The following PLD5 variants were observed in gnomAD, a reference collection of about 807,000 sequenced individuals.
PLD5 encodes inactive phospholipase D5.
Under a neutral mutation model 61.1 loss-of-function variants are expected in PLD5, and 36 were observed. That is an observed-to-expected ratio of 0.59 (90% CI 0.45 to 0.78). The LOEUF is 0.78. Ranked by LOEUF, PLD5 falls within the 30% of genes least tolerant of loss-of-function variation. The pLI, the probability that PLD5 is intolerant of heterozygous loss-of-function variation, is 0.00. For missense variants in PLD5, 515 were observed against 644.4 expected (o/e 0.80, Z 2.17); for synonymous variants, 243 against 242.8 (o/e 1.00, Z -0.01).
intron 3 of PLD5, among the ~76,000 whole-genome samples, chr1:242,273,093 C>T (rs1674205385): frequency 1.3e-5 from 2 of 151,960 alleles, no homozygotes; most frequent in Admixed American, 6.5e-5. Context: ...CATCCCCCAA[C>T]AGGCCCTGGC....
chr1:242,119,422 C>A (rs910679040), intron 6 of PLD5, among the ~76,000 whole-genome samples: 1 of 152,080 alleles, frequency 6.6e-6, no homozygotes, highest in African/African-American at 2.4e-5. Context: ...CATAGTAAGA[C>A]CTTGTCTCTA....
chr1:242,509,913 T>C (rs1331140626), intron 1 of PLD5, among the ~76,000 whole-genome samples: 1 of 152,168 alleles, frequency 6.6e-6, no homozygotes, highest in East Asian at 1.9e-4. Context: ...ACTCCAGAGA[T>C]AAATGTACAT....
At chr1:242,151,997 C>T (rs1306928682) in intron 5 of PLD5, among the ~76,000 whole-genome samples, 1 of 151,804 alleles carries the variant, frequency 6.6e-6, no homozygotes, top group East Asian at 1.9e-4. Context: ...GACATTCACA[C>T]ATTCAATATG....
At chr1:242,486,203 A>G (rs1255353223) in intron 1 of PLD5, among the ~76,000 whole-genome samples, 1 of 152,170 alleles carries the variant, frequency 6.6e-6, no homozygotes, top group Non-Finnish European at 1.5e-5. Context: ...ACAAAAGACA[A>G]AATTGACAAA....
intron 5 of PLD5, among the ~76,000 whole-genome samples, chr1:242,138,787 T>G (rs574459268): frequency 1.3e-5 from 2 of 152,202 alleles, no homozygotes; most frequent in Non-Finnish European, 2.9e-5. Flanking sequence ...TGGTGCTGTA[T>G]GAGCATCTCT....
chr1:242,220,186 T>A, intron 4 of PLD5, 71 bp from the exon 5 acceptor site: 1 of 1,558,564 alleles, frequency 6.4e-7, no homozygotes, highest in Non-Finnish European at 8.8e-7. Flanking sequence ...CACCTACCAG[T>A]GGAAATATTC....
intron 1 of PLD5, among the ~76,000 whole-genome samples, chr1:242,475,890 A>G (rs2102955334): frequency 6.6e-6 from 1 of 152,272 alleles, no homozygotes; most frequent in African/African-American, 2.4e-5. Flanking sequence ...CCAGCCATGG[A>G]GACAAGCCTG....
intron 1 of PLD5, chr1:242,365,788 A>G: frequency 5.0e-6 from 1 of 199,336 alleles, no homozygotes; most frequent in Non-Finnish European, 1.0e-5. Context: ...GGCTTTATAT[A>G]TCAAGCGCAC....
intron 6 of PLD5, among the ~76,000 whole-genome samples, chr1:242,124,018 C>G (rs759004766): frequency 2.0e-5 from 3 of 152,162 alleles, no homozygotes; most frequent in Non-Finnish European, 4.4e-5. Context: ...CTGAGATTCC[C>G]TCAGATTTGT....
chr1:242,200,815 A>C (rs1443284105), intron 5 of PLD5, among the ~76,000 whole-genome samples: 1 of 152,206 alleles, frequency 6.6e-6, no homozygotes, highest in African/African-American at 2.4e-5. Context: ...AGATTAAATG[A>C]ATCAGGCTTC....
chr1:242,228,951 A>G (rs1671124934), intron 4 of PLD5, among the ~76,000 whole-genome samples: 1 of 152,196 alleles, frequency 6.6e-6, no homozygotes. Context: ...TTCCTAAGCT[A>G]TTCTTACGGT....
At chr1:242,131,013 A>G (rs1663191906) in intron 5 of PLD5, among the ~76,000 whole-genome samples, 1 of 151,792 alleles carries the variant, frequency 6.6e-6, no homozygotes, top group South Asian at 2.1e-4. Flanking sequence ...TTTATTGAAA[A>G]CTCAAGTTAT....
rs115654788 is a variant in PLD5 at position 242,118,437 on chromosome 1, C to T, written c.934-4411G>A. Among the ~76,000 whole-genome samples, 652 of 152,340 alleles carry T rather than the reference C, an allele frequency of 4.3e-3. 5 individuals carry two copies. Among genetic ancestry groups the T allele is most frequent in the African/African-American group, 0.015 (604 of 41,582 alleles). On this transcript the variant is annotated intron_variant, in intron 6 of 9. Transcript: ENST00000536534. ...CCTTCTTTGTGGAACTTCATTCTAGCGCATGTTACATGGCATTGCATTCAT... is the reference window on the plus strand; with the variant it reads ...CCTTCTTTGTGGAACTTCATTCTAGTGCATGTTACATGGCATTGCATTCAT...
intron 1 of PLD5, among the ~76,000 whole-genome samples, chr1:242,475,489 C>A (rs973235653): frequency 1.7e-4 from 26 of 151,678 alleles, no homozygotes; most frequent in Non-Finnish European, 3.4e-4. Context: ...GAAGTCTCTA[C>A]CAACAACTTT....
intron 1 of PLD5, among the ~76,000 whole-genome samples, chr1:242,405,262 C>T (rs932766566): frequency 6.6e-6 from 1 of 152,148 alleles, no homozygotes; most frequent in African/African-American, 2.4e-5. Flanking sequence ...ATTCAAATCC[C>T]TTATGTTAGT....
chr1:242,241,549 C>T (rs1433217712), intron 4 of PLD5, among the ~76,000 whole-genome samples: 1 of 142,088 alleles, frequency 7.0e-6, no homozygotes. Context: ...CTGGGTAGTG[C>T]TGAAAAATGA....
At chr1:242,232,258 G>C (rs1391547652) in intron 4 of PLD5, among the ~76,000 whole-genome samples, 1 of 152,018 alleles carries the variant, frequency 6.6e-6, no homozygotes, top group Admixed American at 6.5e-5. Flanking sequence ...AACATACGAA[G>C]ATTAACTTGA....
chr1:242,420,933 G>C (rs1441949148), intron 1 of PLD5, among the ~76,000 whole-genome samples: 6 of 152,070 alleles, frequency 3.9e-5, no homozygotes, highest in Non-Finnish European at 7.4e-5. Context: ...AATCCCTTTG[G>C]GATTTTGGAA....
At chr1:242,180,341 T>C (rs898366671) in intron 5 of PLD5, among the ~76,000 whole-genome samples, 1 of 152,162 alleles carries the variant, frequency 6.6e-6, no homozygotes, top group East Asian at 1.9e-4. Context: ...GAAATTATTA[T>C]TGAAACTTAT....
Sources: gnomAD v4.1 joint callset for allele counts (sites outside exome capture counted in the v4.1 genomes callset) on GRCh38, gnomAD v4.1.1 for gene constraint, MANE v1.5 for transcripts, NCBI Gene and HGNC (gene_info 2026-07-23, HGNC 2026-07-21) for gene names.